The following PISD variants were observed in gnomAD, a reference collection of about 807,000 sequenced individuals.
The protein encoded by PISD is phosphatidylserine decarboxylase proenzyme, mitochondrial.
Under a neutral mutation model 43.5 loss-of-function variants are expected in PISD, and 31 were observed. That is an observed-to-expected ratio of 0.71 (90% CI 0.54 to 0.96). The LOEUF is 0.96. Ranked by LOEUF, PISD falls within the 40% of genes least tolerant of loss-of-function variation. The pLI, the probability that PISD is intolerant of heterozygous loss-of-function variation, is 0.00. For missense variants in PISD, 523 were observed against 548.4 expected (o/e 0.95, Z 0.46); for synonymous variants, 259 against 228.7 (o/e 1.13, Z -1.20).
chr22:31,628,236 T>G, intron 3 of PISD: 1 of 970,610 alleles, frequency 1.0e-6, no homozygotes, highest in Non-Finnish European at 1.2e-6. Flanking sequence ...AAGGGGCGCC[T>G]AGAGGTTGCT....
intron 3 of PISD, among the ~76,000 whole-genome samples, chr22:31,622,242 G>A (rs554824986): frequency 2.6e-5 from 4 of 152,304 alleles, no homozygotes; most frequent in South Asian, 4.1e-4. Context: ...CCCTAGCCAC[G>A]GTGACCCCAA....
At chr22:31,620,056 G>A (rs2072427080) in intron 7 of PISD, among the ~76,000 whole-genome samples, 1 of 152,256 alleles carries the variant, frequency 6.6e-6, no homozygotes, top group African/African-American at 2.4e-5. Flanking sequence ...GCCCAGGGAG[G>A]ACAGGGAACA....
intron 3 of PISD, among the ~76,000 whole-genome samples, chr22:31,635,168 A>AAAAACAAAACAAAACAAAACAAAAC (rs75918790): frequency 3.7e-4 from 56 of 151,990 alleles, no homozygotes; most frequent in Admixed American, 1.0e-3. Context: ...CTCCGTCTCA[A>AAAAACAAAACAAAACAAAACAAAAC]AAAACAAAAC....
intron 1 of PISD, among the ~76,000 whole-genome samples, chr22:31,652,772 T>C (rs2074064171): frequency 6.8e-6 from 1 of 147,366 alleles, no homozygotes; most frequent in Admixed American, 6.8e-5. Flanking sequence ...GGCATTGTGG[T>C]TCACAACTAT....
rs60020183 is a variant in PISD, at chr22:31,639,180, C to CTTTTTTTTTTT, written c.321+8910_321+8920dup. Among the ~76,000 whole-genome samples the CTTTTTTTTTTT allele has an allele frequency of 3.0e-5, 4 of 133,522 alleles. No individual in the cohort carries two copies. In the East Asian group the frequency reaches 8.6e-4, roughly 29 times the overall value. 87.6% of individuals were successfully genotyped at this position (133,522 alleles called of 152,430 possible). A position where few individuals can be genotyped will look rare whatever the true frequency, so the allele number is the denominator to read the frequency against. ...CTGGCTAATTTTTCTTTTCCTTTTT[C>CTTTTTTTTTTT]TTTTTTTTTTTTTTGAGACAGAGTT... On this transcript the variant is annotated intron_variant, in intron 3 of 7. Transcript: ENST00000439502.
intron 7 of PISD, 92 bp from the exon 8 acceptor site, chr22:31,619,928 C>G: frequency 1.2e-6 from 1 of 823,566 alleles, no homozygotes; most frequent in Admixed American, 2.6e-5. Flanking sequence ...CCCTCTGTTG[C>G]TTGTCCCCAC....
chr22:31,620,373 C>T (rs1982475461), intron 7 of PISD, among the ~76,000 whole-genome samples, 180 bp downstream of exon 7: 2 of 152,224 alleles, frequency 1.3e-5, no homozygotes, highest in African/African-American at 4.8e-5. Flanking sequence ...GGGAGGGAAG[C>T]CTCAGCTGGC....
At chr22:31,637,715 T>C (rs111260596) in intron 3 of PISD, among the ~76,000 whole-genome samples, 1,781 of 152,312 alleles carry the variant, frequency 0.012, 34 homozygotes, top group African/African-American at 0.04. Context: ...AGCACAATTC[T>C]CTTCCCATGC....
At chr22:31,626,724 C>A (rs1432307976) in intron 3 of PISD, among the ~76,000 whole-genome samples, 1 of 152,222 alleles carries the variant, frequency 6.6e-6, no homozygotes, top group African/African-American at 2.4e-5. Context: ...GGAGGACACA[C>A]CCGGCCCCTA....
At chr22:31,640,107 C>T (rs546114862) in intron 3 of PISD, among the ~76,000 whole-genome samples, 3 of 152,198 alleles carry the variant, frequency 2.0e-5, no homozygotes, top group Non-Finnish European at 4.4e-5. Context: ...GCACACTCCA[C>T]GCGACGGGGC....
rs560737046 is a variant in PISD, at chr22:31,625,172, C to T, written c.322-3287G>A. Among the ~76,000 whole-genome samples the T allele has an allele frequency of 3.9e-5, 6 of 152,372 alleles. No homozygotes were observed. In the East Asian group the frequency reaches 5.8e-4, roughly 15 times the overall value. On this transcript the variant is annotated intron_variant, in intron 3 of 7. Coordinates refer to ENST00000439502, the MANE Select transcript of PISD (RefSeq NM_001326411.2). ...TCTCAGCTGATAGCAGCAGAGCAGA[C>T]GGCAGGCGAACCAGTGGCGAACCCC...
intron 3 of PISD, among the ~76,000 whole-genome samples, chr22:31,624,712 G>GACACACACACACACACAC (rs55946723): frequency 2.7e-5 from 3 of 111,904 alleles, no homozygotes; most frequent in Non-Finnish European, 3.6e-5. Context: ...AGCAAAGGTG[G>GACACACACACACACACAC]ACACACACAC....
chr22:31,658,595 G>C (rs1364631972), intron 1 of PISD, among the ~76,000 whole-genome samples: 1 of 152,112 alleles, frequency 6.6e-6, no homozygotes, highest in African/African-American at 2.4e-5. Flanking sequence ...TGTCACCCAG[G>C]CTGGAATGCA....
At chr22:31,639,346 G>C (rs1468004282) in intron 3 of PISD, among the ~76,000 whole-genome samples, 1 of 151,968 alleles carries the variant, frequency 6.6e-6, no homozygotes, top group Non-Finnish European at 1.5e-5. Flanking sequence ...AAATGTTTTT[G>C]CATTTTTAGT....
chr22:31,632,774 A>G (rs2073262937), intron 3 of PISD, among the ~76,000 whole-genome samples: 1 of 152,200 alleles, frequency 6.6e-6, no homozygotes, highest in Non-Finnish European at 1.5e-5. Flanking sequence ...CTTTTTATTA[A>G]TCATTCATAA....
At chr22:31,642,424 C>T (rs968196330) in intron 3 of PISD, among the ~76,000 whole-genome samples, 8 of 150,990 alleles carry the variant, frequency 5.3e-5, no homozygotes, top group African/African-American at 2.0e-4. Context: ...CACTGCACTC[C>T]AGTCTGGGCA....
intron 3 of PISD, among the ~76,000 whole-genome samples, chr22:31,632,778 T>C (rs977674457): frequency 1.7e-4 from 26 of 152,348 alleles, no homozygotes; most frequent in African/African-American, 6.0e-4. Context: ...TTATTAATCA[T>C]TCATAAATGC....
At chr22:31,638,097 G>C (rs1197430869) in intron 3 of PISD, among the ~76,000 whole-genome samples, 1 of 152,218 alleles carries the variant, frequency 6.6e-6, no homozygotes, top group Admixed American at 6.5e-5. Flanking sequence ...CTGCTCTGTG[G>C]CCACTCAGGC....
rs1449820061 is a variant in PISD, at chr22:31,619,451, C to G, written c.*161G>C. 2.4e-5 allele frequency: 17 copies of G among 698,484 alleles called. No individual in the cohort carries two copies. The highest frequency in any genetic ancestry group is 1.4e-4 in the Admixed American group (7 of 49,712). 43.3% of individuals were successfully genotyped at this position (698,484 alleles called of 1,614,324 possible). A position where few individuals can be genotyped will look rare whatever the true frequency, so the allele number is the denominator to read the frequency against. ...CTCTCGCCACCTCTTGTCTGCACCT[C>G]TGGAACAGGTGGTAGCCGAATCATT... On this transcript the variant is annotated 3_prime_UTR_variant, in exon 8 of 8. Transcript: ENST00000439502.
Sources: gnomAD v4.1 joint callset for allele counts (sites outside exome capture counted in the v4.1 genomes callset) on GRCh38, gnomAD v4.1.1 for gene constraint, MANE v1.5 for transcripts, NCBI Gene and HGNC (gene_info 2026-07-23, HGNC 2026-07-21) for gene names.